The following CRK variants were observed in gnomAD, a reference collection of about 807,000 sequenced individuals.
CRK encodes CRK proto-oncogene, adaptor protein, also known as adapter molecule crk.
In CRK, 4 loss-of-function variants were observed where a neutral mutation model predicts 29.8. The observed-to-expected ratio is 0.13, with a 90% CI of 0.07 to 0.31. CRK has a LOEUF of 0.31. Ranked by LOEUF, CRK falls within the 10% of genes least tolerant of loss-of-function variation. CRK has a pLI of 1.00. For missense variants in CRK, 274 were observed against 396.5 expected (o/e 0.69, Z 2.62); for synonymous variants, 153 against 164.9 (o/e 0.93, Z 0.55).
intron 2 of CRK, among the ~76,000 whole-genome samples, chr17:1,434,124 C>T (rs771640293): frequency 6.6e-6 from 1 of 152,076 alleles, no homozygotes; most frequent in Non-Finnish European, 1.5e-5. Flanking sequence ...CCTCAAAAAC[C>T]TTTACAGAAA....
chr17:1,442,116 G>A (rs2073939930), intron 1 of CRK, among the ~76,000 whole-genome samples: 3 of 150,262 alleles, frequency 2.0e-5, no homozygotes, highest in Non-Finnish European at 3.0e-5. Context: ...CTCTGCCTCC[G>A]AAAGTGCTGG....
At chr17:1,434,720 T>C (rs1012998247) in intron 2 of CRK, among the ~76,000 whole-genome samples, 3 of 147,396 alleles carry the variant, frequency 2.0e-5, no homozygotes, top group Non-Finnish European at 4.5e-5. Flanking sequence ...GAGGCGGAGG[T>C]TGCAGTGAGC....
intron 1 of CRK, 66 bp from the exon 2 acceptor site, chr17:1,437,221 T>G: frequency 6.8e-7 from 1 of 1,469,050 alleles, no homozygotes; most frequent in Non-Finnish European, 9.1e-7. Context: ...GCAGATTTTA[T>G]TTTTATTTTT....
At chr17:1,455,816 C>T (rs1420672541) in intron 1 of CRK, 61 bp downstream of exon 1, 25 of 1,423,738 alleles carry the variant, frequency 1.8e-5, no homozygotes, top group Admixed American at 8.8e-5. Flanking sequence ...ACCAGCCAGC[C>T]AGGCTGGGAG....
At chr17:1,432,347 G>C (rs922279245) in intron 2 of CRK, among the ~76,000 whole-genome samples, 2 of 151,920 alleles carry the variant, frequency 1.3e-5, no homozygotes, top group African/African-American at 2.4e-5. Context: ...AAATTAGCCA[G>C]GCGTGGTGGT....
At chr17:1,428,205 G>C (rs183412069) in intron 2 of CRK, among the ~76,000 whole-genome samples, 2 of 148,426 alleles carry the variant, frequency 1.3e-5, no homozygotes, top group Non-Finnish European at 3.0e-5. Context: ...TGCAACCTCC[G>C]CCTCCAGGAT....
At position 1,422,703 on chromosome 17, in the gene CRK, T is replaced by G. The variant is rs2073739701; in HGVS notation, c.*810A>C. ...GGATCCCATTAGTTAGGACTCTAGT[T>G]AGCTGCTGTAGAAGGGTGACCTACT... On this transcript the variant is annotated 3_prime_UTR_variant, in exon 3 of 3. Transcript: ENST00000300574. 1 of 368,150 alleles carries G rather than the reference T, an allele frequency of 2.7e-6. No homozygotes were observed. The highest frequency in any genetic ancestry group is 2.1e-5 in the African/African-American group (1 of 47,988). 22.8% of individuals were successfully genotyped at this position (368,150 alleles called of 1,614,324 possible). A position where few individuals can be genotyped will look rare whatever the true frequency, so the allele number is the denominator to read the frequency against.
chr17:1,449,237 C>T (rs1427989654), intron 1 of CRK, among the ~76,000 whole-genome samples: 6 of 152,118 alleles, frequency 3.9e-5, no homozygotes, highest in Admixed American at 6.6e-5. Context: ...GTGCTGGACC[C>T]GAGGTCCTTT....
chr17:1,440,026 G>A (rs557782740), intron 1 of CRK, among the ~76,000 whole-genome samples: 2 of 151,898 alleles, frequency 1.3e-5, no homozygotes, highest in Non-Finnish European at 2.9e-5. Flanking sequence ...TTGGACAGGC[G>A]CGGTGGCTCA....
In CRK at chr17:1,422,451, CCG is replaced by C. The variant is rs2073737158; in HGVS notation, c.*1060_*1061del. On this transcript the variant is annotated 3_prime_UTR_variant, in exon 3 of 3. Transcript: ENST00000300574. ...GTGCTGGGATTACAGACGTGAGCCA[CCG>C]CGCCCAGCCGGTTCAACATTTTTTC... is the stretch of plus-strand genomic sequence containing the variant. 6.6e-6 allele frequency: 1 copy of C among 152,536 alleles called. No individual in the cohort carries two copies. Among genetic ancestry groups the C allele is most frequent in the Non-Finnish European group, 1.5e-5 (1 of 68,210 alleles). The allele number at this position is 152,536 out of a possible 1,614,324, so 9.4% of individuals were successfully genotyped here. A position where few individuals can be genotyped will look rare whatever the true frequency, so the allele number is the denominator to read the frequency against.
chr17:1,442,016 T>C (rs368556040), intron 1 of CRK, among the ~76,000 whole-genome samples: 1 of 151,816 alleles, frequency 6.6e-6, no homozygotes, highest in African/African-American at 2.4e-5. Flanking sequence ...CTACCATGCC[T>C]GTATTTTTTT....
intron 1 of CRK, among the ~76,000 whole-genome samples, chr17:1,440,966 G>C (rs2073930679): frequency 6.6e-6 from 1 of 152,202 alleles, no homozygotes; most frequent in Admixed American, 6.5e-5. Flanking sequence ...TTGTGACAGA[G>C]TGGTCTGGCT....
chr17:1,442,355 T>A (rs143288317), intron 1 of CRK, among the ~76,000 whole-genome samples: 1 of 151,946 alleles, frequency 6.6e-6, no homozygotes, highest in Non-Finnish European at 1.5e-5. Flanking sequence ...TTTTGCTATG[T>A]TGCCCACGCT....
chr17:1,450,685 A>C (rs1348675964), intron 1 of CRK, among the ~76,000 whole-genome samples: 1 of 151,722 alleles, frequency 6.6e-6, no homozygotes, highest in African/African-American at 2.4e-5. Context: ...GGAGTTCAAG[A>C]CCAGCCTGGA....
In CRK at chr17:1,438,071, C is replaced by T. The variant is rs139379049; in HGVS notation, c.242-916G>A. Among the ~76,000 whole-genome samples, 452 of 152,170 alleles carry T rather than the reference C, an allele frequency of 3.0e-3. 1 individual carries two copies. Among genetic ancestry groups the T allele is most frequent in the Non-Finnish European group, 4.8e-3 (329 of 67,998 alleles). On this transcript the variant is annotated intron_variant, in intron 1 of 2. Coordinates refer to ENST00000300574, the MANE Select transcript of CRK (RefSeq NM_016823.4). ...AGCTTGTGTCTGCACTGAGCTCACA[C>T]ATTTTTTCTCTTCACATCTAGAATG... is the stretch of plus-strand genomic sequence containing the variant.
chr17:1,455,797 C>A, intron 1 of CRK, 80 bp downstream of exon 1: 1 of 1,396,302 alleles, frequency 7.2e-7, no homozygotes, highest in East Asian at 3.0e-5. Context: ...CGAGGGTCCG[C>A]TCTCGAGGAC....
At chr17:1,430,877 C>T (rs979590917) in intron 2 of CRK, among the ~76,000 whole-genome samples, 2 of 151,296 alleles carry the variant, frequency 1.3e-5, no homozygotes, top group Non-Finnish European at 2.9e-5. Context: ...ACCATCCTGG[C>T]TAACACGGTG....
intron 2 of CRK, among the ~76,000 whole-genome samples, chr17:1,431,657 A>G (rs2073846376): frequency 6.6e-6 from 1 of 152,254 alleles, no homozygotes; most frequent in South Asian, 2.1e-4. Context: ...GCGCAATCAT[A>G]GCTCACTCCA....
chr17:1,439,322 C>A lies in CRK; in HGVS notation c.242-2167G>T, dbSNP rs182192834. On this transcript the variant is annotated intron_variant, in intron 1 of 2. Transcript: ENST00000300574. The stretch of plus-strand genomic sequence containing the variant: ...CCGTGTTAGCCAGGATGGTCTCGAT[C>A]TCCTGACCTAGTGATCCACCCGCCT... 1.1e-4 allele frequency among the ~76,000 whole-genome samples: 16 copies of A among 152,214 alleles called. No individual in the cohort carries two copies. In the East Asian group the frequency reaches 3.1e-3, roughly 29 times the overall value.
Sources: allele counts gnomAD v4.1 joint callset (sites outside exome capture counted in the v4.1 genomes callset), GRCh38; gene constraint gnomAD v4.1.1; transcripts MANE v1.5; gene names NCBI Gene and HGNC (gene_info 2026-07-23, HGNC 2026-07-21).